The following MAF variants were observed in gnomAD, a reference collection of about 807,000 sequenced individuals.
MAF encodes the protein transcription factor Maf.
MAF carries 10 observed loss-of-function variants against 22.0 expected under a neutral mutation model. That is an observed-to-expected ratio of 0.45 (90% confidence interval 0.28 to 0.77). The LOEUF (loss-of-function observed/expected upper bound fraction) is 0.77. Ranked by LOEUF, MAF falls within the 30% of genes least tolerant of loss-of-function variation. The probability of loss-of-function intolerance (pLI) is 0.12; values close to 1 mark genes in which losing one functional copy is unlikely to be tolerated. For missense variants in MAF, 544 were observed against 548.4 expected (o/e 0.99, Z 0.08); for synonymous variants, 337 against 255.8 (o/e 1.32, Z -3.03).
At chr16:79,260,434 G>A in the MAF span, among the ~76,000 whole-genome samples, 1 of 145,308 alleles carries the variant, frequency 6.9e-6, no homozygotes, top group Non-Finnish European at 1.5e-5. Flanking sequence ...TCACAGATGT[G>A]AGCCACCATG....
At chr16:79,291,624 G>A in the MAF span, among the ~76,000 whole-genome samples, 1 of 151,600 alleles carries the variant, frequency 6.6e-6, no homozygotes, top group Non-Finnish European at 1.5e-5. Flanking sequence ...GACCTATGCA[G>A]GGAGAAACAC....
At chr16:79,589,174 C>A (rs969459666), downstream of MAF, among the ~76,000 whole-genome samples, 5 of 152,076 alleles carry the variant, frequency 3.3e-5, no homozygotes, top group Non-Finnish European at 5.9e-5. Context: ...AAGAAAAAGG[C>A]CCCTCATGGA....
the MAF span, among the ~76,000 whole-genome samples, chr16:79,437,629 C>A: frequency 6.6e-6 from 1 of 152,064 alleles, no homozygotes; most frequent in African/African-American, 2.4e-5. Context: ...AGGACACCTC[C>A]GAGAGCTCAT....
chr16:79,372,936 C>G, the MAF span, among the ~76,000 whole-genome samples: 14 of 152,270 alleles, frequency 9.2e-5, no homozygotes, highest in Non-Finnish European at 2.1e-4. Flanking sequence ...CTCTTAATGC[C>G]CTTTGTTATC....
chr16:79,212,089 G>A, the MAF span: 30,206 of 1,536,228 alleles, frequency 0.02, 332 homozygotes, highest in Non-Finnish European at 0.022. Flanking sequence ...TCTCCCTGGA[G>A]AAGCACCAGC....
downstream of MAF, among the ~76,000 whole-genome samples, chr16:79,591,774 T>A (rs1307944540): frequency 6.6e-6 from 1 of 152,220 alleles, no homozygotes; most frequent in African/African-American, 2.4e-5. Context: ...TGTCACGATG[T>A]CATAAAACTA....
At chr16:79,359,219 T>C in the MAF span, among the ~76,000 whole-genome samples, 10 of 152,194 alleles carry the variant, frequency 6.6e-5, no homozygotes, top group Admixed American at 6.5e-4. Flanking sequence ...ACGCCATCAC[T>C]TTCTTTCCTA....
At chr16:79,223,464 A>C in the MAF span, among the ~76,000 whole-genome samples, 2 of 152,246 alleles carry the variant, frequency 1.3e-5, no homozygotes, top group African/African-American at 4.8e-5. Flanking sequence ...TAGAGAAGCA[A>C]GAGCAAATAA....
At chr16:79,286,955 C>A in the MAF span, among the ~76,000 whole-genome samples, 2 of 152,080 alleles carry the variant, frequency 1.3e-5, no homozygotes, top group South Asian at 2.1e-4. Context: ...AACCAAAAAA[C>A]AAACAGACAA....
At chr16:79,431,323 A>G in the MAF span, among the ~76,000 whole-genome samples, 833 of 152,312 alleles carry the variant, frequency 5.5e-3, 3 homozygotes, top group Non-Finnish European at 8.1e-3. Context: ...AAGGGCCATG[A>G]AACCTGCAAT....
At chr16:79,242,377 GA>G in the MAF span, among the ~76,000 whole-genome samples, 18 of 128,076 alleles carry the variant, frequency 1.4e-4, no homozygotes, top group South Asian at 1.3e-3. Context: ...AAAAAAAAAA[GA>G]AAAAAAAAAG....
the MAF span, among the ~76,000 whole-genome samples, chr16:79,209,915 G>C: frequency 6.6e-6 from 1 of 152,166 alleles, no homozygotes; most frequent in South Asian, 2.1e-4. Context: ...CATTAGACTT[G>C]AGCCACACAA....
At chr16:79,468,004 T>C in the MAF span, among the ~76,000 whole-genome samples, 1 of 152,118 alleles carries the variant, frequency 6.6e-6, no homozygotes, top group African/African-American at 2.4e-5. Flanking sequence ...ACATTATTGA[T>C]TGATCAGACA....
At chr16:79,272,953 C>G in the MAF span, among the ~76,000 whole-genome samples, 1 of 152,182 alleles carries the variant, frequency 6.6e-6, no homozygotes, top group Non-Finnish European at 1.5e-5. Context: ...CTCTCCTCTT[C>G]TGCATTTCAT....
chr16:79,508,134 C>T, the MAF span, among the ~76,000 whole-genome samples: 4 of 152,084 alleles, frequency 2.6e-5, no homozygotes, highest in African/African-American at 7.2e-5. Flanking sequence ...TTGGAAGGAG[C>T]GGGGAGTCAT....
At chr16:79,261,328 G>C in the MAF span, among the ~76,000 whole-genome samples, 1 of 141,768 alleles carries the variant, frequency 7.1e-6, no homozygotes, top group East Asian at 2.0e-4. Context: ...AATTTTTGTA[G>C]TTTTACTAGA....
chr16:79,384,222 T>C, the MAF span, among the ~76,000 whole-genome samples: 4 of 151,960 alleles, frequency 2.6e-5, no homozygotes, highest in African/African-American at 9.7e-5. Context: ...GTCAAGTGGA[T>C]CACCTGAGGT....
chr16:79,592,435 G>A (rs779252259), downstream of MAF, among the ~76,000 whole-genome samples: 1 of 152,228 alleles, frequency 6.6e-6, no homozygotes, highest in African/African-American at 2.4e-5. Context: ...GCTGTTTGAT[G>A]TCTGAATTTT....
the MAF span, among the ~76,000 whole-genome samples, chr16:79,285,127 C>G: frequency 6.6e-6 from 1 of 152,112 alleles, no homozygotes; most frequent in Non-Finnish European, 1.5e-5. Flanking sequence ...GAGTTCCTGA[C>G]CCATTTAAAT....
Sources: gnomAD v4.1 joint callset for allele counts (sites outside exome capture counted in the v4.1 genomes callset) on GRCh38, gnomAD v4.1.1 for gene constraint, MANE v1.5 for transcripts, NCBI Gene and HGNC (gene_info 2026-07-23, HGNC 2026-07-21) for gene names.